The following RHCE variants were observed in gnomAD, a reference collection of about 807,000 sequenced individuals.
RHCE encodes the protein Rh blood group CcEe antigens.
Under a neutral mutation model 43.8 loss-of-function variants are expected in RHCE, and 22 were observed. That is an observed-to-expected ratio of 0.50 (90% CI 0.36 to 0.72). The LOEUF (loss-of-function observed/expected upper bound fraction) is 0.72, where lower values mean the gene tolerates loss of function less well. Among genes scored for constraint, RHCE ranks in the 30% least tolerant of loss-of-function variants. RHCE has a pLI of 0.00. For missense variants in RHCE, 385 were observed against 525.4 expected (o/e 0.73, Z 2.61); for synonymous variants, 156 against 210.7 (o/e 0.74, Z 2.25).
In RHCE at chr1:25,391,060, G is replaced by A. The variant is rs968379757; in HGVS notation, c.635-145C>T. Reference sequence around the variant, plus strand: ...GATGGGGAAGTCACGTCTCCCCTCCGAGCTCTCAAGCTGATACCAGCTAAC... The same window carrying A: ...GATGGGGAAGTCACGTCTCCCCTCCAAGCTCTCAAGCTGATACCAGCTAAC... On this transcript the variant is annotated intron_variant, in intron 4 of 9. Transcript: ENST00000294413. The A allele has an allele frequency of 1.2e-5, 13 of 1,111,256 alleles. No individual in the cohort carries two copies. In the African/African-American group the frequency reaches 1.4e-4, roughly 12 times the overall value. 68.8% of individuals were successfully genotyped at this position (1,111,256 alleles called of 1,614,324 possible).
At chr1:25,372,425 A>G (rs151201076) in intron 8 of RHCE, among the ~76,000 whole-genome samples, 10,336 of 151,410 alleles carry the variant, frequency 0.068, 1,360 homozygotes, top group African/African-American at 0.23. Flanking sequence ...AGGCTGAGGC[A>G]GGAGAATCAC....
At chr1:25,416,286 T>C (rs1380496586) in intron 1 of RHCE, among the ~76,000 whole-genome samples, 2 of 152,132 alleles carry the variant, frequency 1.3e-5, no homozygotes, top group East Asian at 1.9e-4. Context: ...TTTTTTGAGA[T>C]GGAGTCTCGC....
intron 1 of RHCE, among the ~76,000 whole-genome samples, chr1:25,412,670 T>C (rs1475798082): frequency 5.6e-5 from 7 of 124,668 alleles, no homozygotes; most frequent in Admixed American, 3.0e-4. Flanking sequence ...CACGATCACA[T>C]CACTATACTC....
intron 3 of RHCE, among the ~76,000 whole-genome samples, chr1:25,397,167 C>T (rs925204092): frequency 2.1e-5 from 3 of 141,494 alleles, no homozygotes; most frequent in African/African-American, 8.1e-5. Context: ...GGGTTAAAGT[C>T]ACATACACAG....
chr1:25,386,398 T>C (rs895904955), intron 6 of RHCE, among the ~76,000 whole-genome samples: 62 of 152,220 alleles, frequency 4.1e-4, no homozygotes, highest in Admixed American at 6.5e-4. Context: ...GCCACACCTC[T>C]AGATCCCTAC....
chr1:25,405,459 C>A (rs1278299809), intron 2 of RHCE, among the ~76,000 whole-genome samples: 1 of 152,190 alleles, frequency 6.6e-6, no homozygotes, highest in Non-Finnish European at 1.5e-5. Flanking sequence ...TCGAGACCAA[C>A]CTGACCCACC....
At chr1:25,417,977 C>T (rs1883427) in intron 1 of RHCE, among the ~76,000 whole-genome samples, 76,915 of 152,024 alleles carry the variant, frequency 0.51, 19,808 homozygotes, top group Non-Finnish European at 0.54. Context: ...AGCCAAACTC[C>T]GTATGCAGCC....
At chr1:25,409,119 C>T (rs1335531716) in intron 1 of RHCE, among the ~76,000 whole-genome samples, 1 of 123,432 alleles carries the variant, frequency 8.1e-6, no homozygotes, top group Non-Finnish European at 1.8e-5. Context: ...AGGGCAGGGC[C>T]TGGCCCATAA....
chr1:25,406,405 C>T (rs1233377621), intron 2 of RHCE, among the ~76,000 whole-genome samples: 1 of 115,088 alleles, frequency 8.7e-6, no homozygotes, highest in African/African-American at 2.6e-5. Flanking sequence ...CTCCGCCTCC[C>T]GGGTTCAAGT....
upstream of RHCE, among the ~76,000 whole-genome samples, chr1:25,421,719 C>A (rs2042762441): frequency 6.6e-6 from 1 of 152,046 alleles, no homozygotes; most frequent in Non-Finnish European, 1.5e-5. Flanking sequence ...GGCAGAAGGT[C>A]TGGTACATGG....
chr1:25,388,320 G>A (rs1380123025), intron 6 of RHCE, among the ~76,000 whole-genome samples: 1 of 129,012 alleles, frequency 7.8e-6, no homozygotes. Context: ...ATTGGAGAAA[G>A]ATCCATCCAC....
chr1:25,399,138 TG>T, intron 3 of RHCE: 1 of 1,166,810 alleles, frequency 8.6e-7, no homozygotes, highest in Non-Finnish European at 1.3e-6. Flanking sequence ...TGCTGGGCTT[TG>T]CTATTTCAAC....
intron 4 of RHCE, among the ~76,000 whole-genome samples, chr1:25,391,462 C>T (rs959005211): frequency 4.6e-5 from 7 of 151,926 alleles, no homozygotes; most frequent in Admixed American, 1.3e-4. Flanking sequence ...GCTGGGATTA[C>T]AGGCTTGAGC....
intron 2 of RHCE, among the ~76,000 whole-genome samples, chr1:25,404,989 G>C (rs1646870075): frequency 6.7e-6 from 1 of 148,718 alleles, no homozygotes; most frequent in Non-Finnish European, 1.5e-5. Flanking sequence ...CCTGGAGTTT[G>C]AGACCAGCCT....
chr1:25,402,519 C>T (rs1571895057), intron 3 of RHCE, 77 bp downstream of exon 3: 1 of 1,612,234 alleles, frequency 6.2e-7, no homozygotes. Context: ...CTTTATTTTT[C>T]AAAACCCCGG....
chr1:25,426,126 A>G (rs4649084), intron 2 of RHCE, among the ~76,000 whole-genome samples: 90,322 of 152,100 alleles, frequency 0.59, 28,400 homozygotes, highest in African/African-American at 0.8. Flanking sequence ...TGTGTAGAAA[A>G]CACTCCATAA....
intron 3 of RHCE, among the ~76,000 whole-genome samples, chr1:25,396,307 G>GT (rs1310971451): frequency 1.3e-5 from 2 of 150,686 alleles, no homozygotes; most frequent in Non-Finnish European, 3.0e-5. Context: ...CAAAAAATAT[G>GT]TATTTTTTTC....
At chr1:25,402,154 G>A (rs1646768678) in intron 3 of RHCE, among the ~76,000 whole-genome samples, 1 of 151,902 alleles carries the variant, frequency 6.6e-6, no homozygotes, top group Admixed American at 6.6e-5. Flanking sequence ...TGGGATTACA[G>A]GTGTGAGCCA....
chr1:25,386,590 G>A lies in RHCE; in HGVS notation c.940-746C>T, dbSNP rs550651190. The stretch of plus-strand genomic sequence containing the variant: ...AATCCCAGCACTTTGGGAGGCCAAC[G>A]TGGGTGGATCACCTGAAGTCAAGAG... On this transcript the variant is annotated intron_variant, in intron 6 of 9. Transcript: ENST00000294413. 1.4e-4 allele frequency among the ~76,000 whole-genome samples: 22 copies of A among 152,314 alleles called. No homozygotes were observed. The South Asian group carries it at 3.5e-3, about 24-fold the overall frequency.
Sources: gnomAD v4.1 joint callset for allele counts (sites outside exome capture counted in the v4.1 genomes callset) on GRCh38, gnomAD v4.1.1 for gene constraint, MANE v1.5 for transcripts, NCBI Gene and HGNC (gene_info 2026-07-23, HGNC 2026-07-21) for gene names.